Variants in PLEKHM1 observed in about 807,000 individuals in gnomAD.
PLEKHM1 encodes the protein pleckstrin homology domain-containing family M member 1.
Under a neutral mutation model 94.3 loss-of-function variants are expected in PLEKHM1, and 28 were observed. That is an observed-to-expected ratio of 0.30 (90% CI 0.22 to 0.41). The LOEUF (loss-of-function observed/expected upper bound fraction) is 0.41. Ranked by LOEUF, PLEKHM1 falls within the 10% of genes least tolerant of loss-of-function variation. The probability of loss-of-function intolerance (pLI) is 1.00; values close to 1 mark genes in which losing one functional copy is unlikely to be tolerated. For synonymous variants in PLEKHM1, 424 were observed against 581.2 expected, an observed-to-expected ratio of 0.73 and a Z score of 3.89; for missense variants, 907 against 1,358.6, an observed-to-expected ratio of 0.67 and a Z score of 5.22.
At chr17:45,481,746 G>A (rs1394599647) in intron 2 of PLEKHM1, among the ~76,000 whole-genome samples, 1 of 151,418 alleles carries the variant, frequency 6.6e-6, no homozygotes, top group Non-Finnish European at 1.5e-5. Context: ...CTCTCCTGTG[G>A]CCAGGACGGG....
In PLEKHM1 at chr17:45,440,094, T is replaced by C. The variant is rs773357231; in HGVS notation, c.2901+69A>G. The C allele has an allele frequency of 1.1e-5, 16 of 1,419,350 alleles. No individual in the cohort carries two copies. In the East Asian group the frequency reaches 3.6e-4, roughly 32 times the overall value. The allele number at this position is 1,419,350 out of a possible 1,614,324, so 87.9% of individuals were successfully genotyped here. On this transcript the variant is annotated intron_variant, in intron 10 of 11. Coordinates refer to ENST00000430334, the MANE Select transcript of PLEKHM1 (RefSeq NM_014798.3). ...AACTACAGACACCCCCTCTTCCATCTTCCTTGCTGACTTCTCTGGGAATGA... is the reference window on the plus strand; with the variant it reads ...AACTACAGACACCCCCTCTTCCATCCTCCTTGCTGACTTCTCTGGGAATGA...
intron 5 of PLEKHM1, among the ~76,000 whole-genome samples, chr17:45,461,233 T>C (rs1458276556): frequency 6.6e-6 from 1 of 152,208 alleles, no homozygotes; most frequent in East Asian, 1.9e-4. Flanking sequence ...TTTGTTATGG[T>C]GGCCCTAGGG....
chr17:45,436,710 A>T lies in PLEKHM1; in HGVS notation c.*1148T>A. The T allele has an allele frequency of 2.2e-6, 1 of 454,048 alleles. No individual in the cohort carries two copies. The highest frequency in any genetic ancestry group is 1.6e-5 in the South Asian group (1 of 64,476). 28.1% of individuals were successfully genotyped at this position (454,048 alleles called of 1,614,324 possible). On this transcript the variant is annotated 3_prime_UTR_variant, in exon 12 of 12. Coordinates refer to ENST00000430334, the MANE Select transcript of PLEKHM1 (RefSeq NM_014798.3). ...CTTCAAAGGCAGTCCTGCTCCGGGG[A>T]ACTTCTTCAGTCTCCAGTGTCCCGG...
Position 45,453,775 on chromosome 17 carries a change from A to C in PLEKHM1, c.2077T>G (p.Tyr693Asp). Residue 693 changes from tyrosine (Y) to aspartate (D), a missense_variant, in exon 7 of 12, where the codon TAC becomes GAC. By Grantham distance (160) the Tyr-to-Asp change is radical. This residue lies in a region of PLEKHM1 where 477 missense variants were observed against 601.5 expected (regional missense o/e 0.79). Transcript: ENST00000430334. The surrounding 1 kb of genome is among the most constrained non-coding windows in gnomAD (Gnocchi z 4.1). Reference protein sequence around the residue: ...DAIKESLLYLYMDRTWMPYIF... With the variant: ...DAIKESLLYLDMDRTWMPYIF... Reference sequence around the variant, plus strand: ...TAGGGCATCCAGGTCCTGTCCATGTACAAGTACAGCAGGGACTCCTTGATG... The same window carrying C: ...TAGGGCATCCAGGTCCTGTCCATGTCCAAGTACAGCAGGGACTCCTTGATG... 6.2e-7 allele frequency: 1 copy of C among 1,613,970 alleles called. No individual in the cohort carries two copies. Among genetic ancestry groups the C allele is most frequent in the Non-Finnish European group, 8.5e-7 (1 of 1,179,864 alleles).
At position 45,439,623 on chromosome 17, in the gene PLEKHM1, C is replaced by T. The variant is rs73984399; in HGVS notation, c.2913G>A (p.Gly971=). The change falls in exon 11 of 12, where the codon GGG becomes GGA. Residue 971 remains glycine (G), a synonymous_variant. Transcript: ENST00000430334. ...GGGCCTTGAGGAATCCTTCATACAC[C>T]CCGTCTGCGATCTGCGGAGGGCAAG... ...SVADLQQIAD[G]VYEGFLKALI... The T allele has an allele frequency of 4.5e-3, 7,313 of 1,613,956 alleles. 291 individuals are homozygous for T. In the African/African-American group the frequency reaches 0.087, roughly 19 times the overall value.
chr17:45,490,721 T>C lies in PLEKHM1; in HGVS notation c.-111A>G, dbSNP rs773523742. 3 of 451,136 alleles carry C rather than the reference T, an allele frequency of 6.6e-6. No individual in the cohort carries two copies. Among genetic ancestry groups the C allele is most frequent in the South Asian group, 4.7e-5 (3 of 63,976 alleles). 27.9% of individuals were successfully genotyped at this position (451,136 alleles called of 1,614,324 possible). On this transcript the variant is annotated 5_prime_UTR_variant, in exon 1 of 12. Transcript: ENST00000430334. ...AGCCCCTCAGCCTCCGAGCCGACGATGCGGTCTCTCGGCCACTGACAACAG... is the reference window on the plus strand; with the variant it reads ...AGCCCCTCAGCCTCCGAGCCGACGACGCGGTCTCTCGGCCACTGACAACAG...
At chr17:45,440,567 G>A (rs1246160880) in intron 9 of PLEKHM1, among the ~76,000 whole-genome samples, 2 of 152,250 alleles carry the variant, frequency 1.3e-5, no homozygotes, top group African/African-American at 2.4e-5. Context: ...GAGGATGGGT[G>A]CAGACACCTG....
At chr17:45,449,255 C>G (rs1472914996) in intron 8 of PLEKHM1, among the ~76,000 whole-genome samples, 1 of 151,704 alleles carries the variant, frequency 6.6e-6, no homozygotes, top group Admixed American at 6.6e-5. Context: ...ATCCACCTAC[C>G]TATTCACCCA....
At chr17:45,435,486 G>A (rs2050232832), downstream of PLEKHM1, among the ~76,000 whole-genome samples, 1 of 152,136 alleles carries the variant, frequency 6.6e-6, no homozygotes, top group Admixed American at 6.5e-5. Flanking sequence ...CTTCTTTCCT[G>A]AGCCCCATCT....
rs1221893999 is a variant in PLEKHM1 at position 45,444,165 on chromosome 17, G to T, written c.2837+1305C>A. The stretch of plus-strand genomic sequence containing the variant: ...GAGAGGCGCTCTCTGGGCCAGCCCT[G>T]TGGGGAGGGAAGGCCAGACGGGGGA... On this transcript the variant is annotated intron_variant, in intron 9 of 11. Transcript: ENST00000430334. This position sits in a 1 kb window ranked among gnomAD's most constrained non-coding sequence, Gnocchi z 5.0. 6.6e-6 allele frequency among the ~76,000 whole-genome samples: 1 copy of T among 152,178 alleles called. No individual in the cohort carries two copies. The highest frequency in any genetic ancestry group is 2.4e-5 in the African/African-American group (1 of 41,448).
At chr17:45,452,665 G>A (rs1041815372) in intron 7 of PLEKHM1, among the ~76,000 whole-genome samples, 3 of 152,048 alleles carry the variant, frequency 2.0e-5, no homozygotes, top group African/African-American at 7.3e-5. Context: ...TGATGATGAG[G>A]AAGACATAGC....
At chr17:45,434,773 T>C (rs1182644449), downstream of PLEKHM1, among the ~76,000 whole-genome samples, 2 of 152,002 alleles carry the variant, frequency 1.3e-5, no homozygotes, top group East Asian at 1.9e-4. Context: ...ACTTACATTA[T>C]ATGATAAGCT....
In PLEKHM1 at chr17:45,444,257, T is replaced by G. The variant is rs2050533421; in HGVS notation, c.2837+1213A>C. Among the ~76,000 whole-genome samples the G allele has an allele frequency of 3.9e-5, 6 of 152,194 alleles. No individual in the cohort carries two copies. In the South Asian group the frequency reaches 1.2e-3, roughly 32 times the overall value. Reference sequence around the variant, plus strand: ...CAGCAGAGGTTGATTTGAAGCCCATTCTGGGCAGTAGGCACCGGCAGGCTT... The same window carrying G: ...CAGCAGAGGTTGATTTGAAGCCCATGCTGGGCAGTAGGCACCGGCAGGCTT... On this transcript the variant is annotated intron_variant, in intron 9 of 11. Transcript: ENST00000430334. This position sits in a 1 kb window ranked among gnomAD's most constrained non-coding sequence, Gnocchi z 5.0.
At chr17:45,443,762 G>T (rs1278504888) in intron 9 of PLEKHM1, among the ~76,000 whole-genome samples, 2 of 152,162 alleles carry the variant, frequency 1.3e-5, no homozygotes, top group Non-Finnish European at 2.9e-5. Flanking sequence ...TTCACCACCT[G>T]GTTAGGTGGG....
intron 5 of PLEKHM1, among the ~76,000 whole-genome samples, chr17:45,458,889 T>C (rs2051066708): frequency 6.6e-6 from 1 of 151,118 alleles, no homozygotes; most frequent in South Asian, 2.1e-4. Context: ...TCCCAGCACT[T>C]TGGGAGGCTG....
chr17:45,486,874 A>G (rs1052538634), intron 1 of PLEKHM1, among the ~76,000 whole-genome samples: 1 of 152,210 alleles, frequency 6.6e-6, no homozygotes, highest in African/African-American at 2.4e-5. Flanking sequence ...CACGGCGGGA[A>G]TCAGAAGGAG....
rs2050823594 is a variant in PLEKHM1, at chr17:45,453,198, G to A, written c.2497+157C>T. 1.0e-5 allele frequency: 7 copies of A among 681,582 alleles called. No homozygotes were observed. The highest frequency in any genetic ancestry group is 5.4e-5 in the East Asian group (2 of 36,722). 42.2% of individuals were successfully genotyped at this position (681,582 alleles called of 1,614,324 possible). On this transcript the variant is annotated intron_variant, in intron 7 of 11. Transcript: ENST00000430334. The surrounding 1 kb of genome is among the most constrained non-coding windows in gnomAD (Gnocchi z 4.1). ...TGGCCCCAGCCGGGGCTGGGGAGGA[G>A]CAGAAGCTGTAGGGCAAGCCTGATC...
chr17:45,446,543 C>A (rs975702818), intron 8 of PLEKHM1, among the ~76,000 whole-genome samples: 5 of 152,298 alleles, frequency 3.3e-5, no homozygotes, highest in Non-Finnish European at 7.4e-5. Context: ...GACGGAGGAG[C>A]TGTTGTCTCC....
At chr17:45,489,162 G>A (rs1297789473) in intron 1 of PLEKHM1, among the ~76,000 whole-genome samples, 2 of 152,092 alleles carry the variant, frequency 1.3e-5, no homozygotes, top group Admixed American at 1.3e-4. Context: ...CAATGATCCA[G>A]CACTTAAAAG....
Sources: gnomAD v4.1 joint callset for allele counts (sites outside exome capture counted in the v4.1 genomes callset) on GRCh38, gnomAD v4.1.1 for gene constraint, gnomAD v4.1.1 regional missense constraint, Gnocchi (gnomAD v3.1) non-coding constraint, MANE v1.5 for transcripts, NCBI Gene and HGNC (gene_info 2026-07-23, HGNC 2026-07-21) for gene names.